The following MANBA variants were observed in gnomAD, a reference collection of about 807,000 sequenced individuals.
MANBA encodes the protein beta-mannosidase.
Under a neutral mutation model 111.1 loss-of-function variants are expected in MANBA, and 83 were observed. The ratio of observed to expected loss-of-function variants is 0.75; its 90% CI spans 0.63 to 0.90. The LOEUF (loss-of-function observed/expected upper bound fraction) is 0.90. Among genes scored for constraint, MANBA ranks in the 40% least tolerant of loss-of-function variants. The pLI is 0.00. For missense variants in MANBA, 1,036 were observed against 1,069.0 expected (o/e 0.97, Z 0.43); for synonymous variants, 370 against 378.7 (o/e 0.98, Z 0.27).
chr4:102,705,397 C>T (rs1224789415), intron 5 of MANBA, among the ~76,000 whole-genome samples: 1 of 152,158 alleles, frequency 6.6e-6, no homozygotes, highest in Non-Finnish European at 1.5e-5. Context: ...GGCTTAATAG[C>T]CCCTACATCT....
intron 10 of MANBA, chr4:102,666,108 T>C (rs1365141972): frequency 6.6e-6 from 1 of 152,252 alleles, no homozygotes; most frequent in Non-Finnish European, 1.5e-5. Context: ...AATCCTGAAG[T>C]GGCAAAAAGC....
chr4:102,732,409 A>G (rs1723063112), intron 1 of MANBA, among the ~76,000 whole-genome samples: 1 of 152,230 alleles, frequency 6.6e-6, no homozygotes, highest in Non-Finnish European at 1.5e-5. Flanking sequence ...CAAGAAGGAA[A>G]AGCCAACTCT....
intron 12 of MANBA, among the ~76,000 whole-genome samples, chr4:102,655,377 A>G (rs1214403810): frequency 6.6e-6 from 1 of 152,232 alleles, no homozygotes; most frequent in Non-Finnish European, 1.5e-5. Flanking sequence ...TGAAAAAAAG[A>G]ACAAAATTGG....
chr4:102,694,766 G>A (rs777955632), intron 5 of MANBA, among the ~76,000 whole-genome samples: 3 of 152,066 alleles, frequency 2.0e-5, no homozygotes, highest in Non-Finnish European at 4.4e-5. Context: ...AAGAGGACAG[G>A]AATTCTTTAT....
chr4:102,713,019 A>T (rs1722148909), intron 5 of MANBA, among the ~76,000 whole-genome samples: 1 of 152,218 alleles, frequency 6.6e-6, no homozygotes, highest in South Asian at 2.1e-4. Flanking sequence ...TTACATGTGC[A>T]ATTTAAATTA....
Position 102,752,140 on chromosome 4 carries a change from T to A in MANBA, c.177+8578A>T. ...CTATGACTCCCATAGTGACCCTCTC[T>A]GGTCACAAGGAAGCAATTTCCTCAG... On this transcript the variant is annotated intron_variant, in intron 1 of 16. Transcript: ENST00000647097. 3.9e-6 allele frequency: 3 copies of A among 771,418 alleles called. No homozygotes were observed. The South Asian group carries it at 4.0e-5, about 10-fold the overall frequency. The allele number at this position is 771,418 out of a possible 1,614,324, so 47.8% of individuals were successfully genotyped here. A position where few individuals can be genotyped will look rare whatever the true frequency, so the allele number is the denominator to read the frequency against.
chr4:102,752,043 C>T (rs757851225), intron 1 of MANBA: 32 of 752,414 alleles, frequency 4.3e-5, no homozygotes, highest in Non-Finnish European at 7.0e-5. Flanking sequence ...TGCTAAAGAT[C>T]TGGTCTACAG....
chr4:102,652,715 A>AC (rs1296554009), intron 12 of MANBA, among the ~76,000 whole-genome samples: 3 of 152,012 alleles, frequency 2.0e-5, no homozygotes, highest in African/African-American at 7.3e-5. Flanking sequence ...ACGTAGTGAG[A>AC]CCCCATCTCT....
chr4:102,694,135 G>A (rs570910982), intron 5 of MANBA, among the ~76,000 whole-genome samples: 13 of 152,146 alleles, frequency 8.5e-5, no homozygotes, highest in Non-Finnish European at 1.6e-4. Flanking sequence ...CTTTGAACTT[G>A]GAAGGTTCTC....
intron 12 of MANBA, among the ~76,000 whole-genome samples, chr4:102,657,232 G>A: frequency 9.4e-6 from 1 of 106,538 alleles, no homozygotes; most frequent in African/African-American, 3.3e-5. Context: ...TGGGGGGGGG[G>A]TGGGCGGTGG....
intron 5 of MANBA, among the ~76,000 whole-genome samples, chr4:102,705,783 C>T (rs575217773): frequency 2.0e-5 from 3 of 152,284 alleles, no homozygotes; most frequent in African/African-American, 7.2e-5. Context: ...TACACTCCCA[C>T]TCAGTGCCTG....
chr4:102,643,409 T>C (rs1729965257), intron 13 of MANBA, among the ~76,000 whole-genome samples: 1 of 152,170 alleles, frequency 6.6e-6, no homozygotes. Context: ...TGAGTATATA[T>C]ACCTAAGAGT....
chr4:102,729,828 T>G, intron 1 of MANBA: 1 of 1,293,924 alleles, frequency 7.7e-7, no homozygotes. Flanking sequence ...CATCTTGTTC[T>G]ACTGCTCCAG....
chr4:102,635,836 G>T, intron 15 of MANBA, 29 bp downstream of exon 15: 2 of 1,597,434 alleles, frequency 1.3e-6, no homozygotes, highest in South Asian at 1.1e-5. Flanking sequence ...AGTCTCCTTC[G>T]ATCTTAGAAA....
chr4:102,751,253 AC>A (rs1481056261), intron 1 of MANBA: 4 of 289,942 alleles, frequency 1.4e-5, no homozygotes, highest in Non-Finnish European at 2.8e-5. Flanking sequence ...GGTGGAGCAG[AC>A]CCAAGGAGGA....
intron 5 of MANBA, among the ~76,000 whole-genome samples, chr4:102,700,240 C>A (rs1038833022): frequency 2.0e-5 from 3 of 151,838 alleles, no homozygotes; most frequent in African/African-American, 7.3e-5. Flanking sequence ...CTATTTGATT[C>A]TTCTCTCTTT....
intron 5 of MANBA, among the ~76,000 whole-genome samples, chr4:102,705,396 G>A (rs547652061): frequency 2.0e-5 from 3 of 152,128 alleles, no homozygotes; most frequent in Non-Finnish European, 2.9e-5. Context: ...GGGCTTAATA[G>A]CCCCTACATC....
intron 1 of MANBA, chr4:102,729,160 A>C: frequency 1.4e-6 from 1 of 724,758 alleles, no homozygotes; most frequent in Non-Finnish European, 2.6e-6. Context: ...TGTGCTGCAG[A>C]CATCTGTGAT....
intron 7 of MANBA, among the ~76,000 whole-genome samples, chr4:102,682,089 G>C (rs2110234442): frequency 6.7e-6 from 1 of 149,876 alleles, no homozygotes; most frequent in East Asian, 2.0e-4. Context: ...AGAAGTTGCA[G>C]TGAGCCGAGA....
Sources: gnomAD v4.1 joint callset for allele counts (sites outside exome capture counted in the v4.1 genomes callset) on GRCh38, gnomAD v4.1.1 for gene constraint, MANE v1.5 for transcripts, NCBI Gene and HGNC (gene_info 2026-07-23, HGNC 2026-07-21) for gene names.